Variants in KDM3B observed in about 807,000 individuals in gnomAD.
KDM3B encodes lysine-specific demethylase 3B.
In KDM3B, 10 loss-of-function variants were observed where a neutral mutation model predicts 170.0. That is an observed-to-expected ratio of 0.06 (90% CI 0.04 to 0.10). The LOEUF is 0.10. KDM3B is among the 10% of genes least tolerant of loss of function. The pLI is 1.00. For missense variants in KDM3B, 1,394 were observed against 2,195.2 expected, an observed-to-expected ratio of 0.64 and a Z score of 7.29; for synonymous variants, 831 against 834.8, an observed-to-expected ratio of 1.00 and a Z score of 0.08.
intron 17 of KDM3B, among the ~76,000 whole-genome samples, chr5:138,426,461 G>C (rs186971402): frequency 3.2e-4 from 49 of 151,378 alleles, no homozygotes; most frequent in African/African-American, 1.2e-3. Context: ...TATAGTCCCA[G>C]CTACTCGGCA....
At position 138,417,622 on chromosome 5, in the gene KDM3B, T is replaced by A; in HGVS notation, c.3435+12T>A. The A allele has an allele frequency of 6.2e-7, 1 of 1,612,732 alleles. No individual in the cohort carries two copies. Among genetic ancestry groups the A allele is most frequent in the Non-Finnish European group, 8.5e-7 (1 of 1,178,970 alleles). On this transcript the variant is annotated intron_variant, in intron 13 of 23. Coordinates refer to ENST00000314358, the MANE Select transcript of KDM3B (RefSeq NM_016604.4). The stretch of plus-strand genomic sequence containing the variant: ...ATGGGATGTCACAGGTAAACTGGTG[T>A]GTGTGGGTATAACTAAGTGAAGCCT...
At chr5:138,427,087 C>A in intron 18 of KDM3B, 22 bp downstream of exon 18, 1 of 1,611,736 alleles carries the variant, frequency 6.2e-7, no homozygotes, top group South Asian at 1.1e-5. Flanking sequence ...GCAGTGGTGT[C>A]ATCTTCAGAA....
intron 1 of KDM3B, among the ~76,000 whole-genome samples, chr5:138,368,733 T>C (rs1020149599): frequency 1.3e-5 from 2 of 152,240 alleles, no homozygotes; most frequent in Non-Finnish European, 2.9e-5. Flanking sequence ...ATTGGAGCTG[T>C]CATTTGATCC....
At chr5:138,382,947 C>T (rs1053550592) in intron 6 of KDM3B, among the ~76,000 whole-genome samples, 4 of 151,978 alleles carry the variant, frequency 2.6e-5, no homozygotes, top group Admixed American at 6.6e-5. Context: ...ATATTGTATG[C>T]CAGGTACTGT....
chr5:138,385,246 C>A (rs1434069011), intron 6 of KDM3B, among the ~76,000 whole-genome samples: 1 of 152,120 alleles, frequency 6.6e-6, no homozygotes, highest in East Asian at 1.9e-4. Flanking sequence ...GTCTCAAACT[C>A]CTGACCTCAG....
intron 12 of KDM3B, among the ~76,000 whole-genome samples, chr5:138,417,135 T>A (rs1266690064): frequency 6.6e-6 from 1 of 152,204 alleles, no homozygotes; most frequent in Non-Finnish European, 1.5e-5. Context: ...TTTATACTCT[T>A]GAACACTAGA....
intron 1 of KDM3B, among the ~76,000 whole-genome samples, chr5:138,353,308 T>G (rs1044845449): frequency 1.3e-5 from 2 of 152,198 alleles, no homozygotes; most frequent in African/African-American, 4.8e-5. Context: ...TCTCGAATCT[T>G]GAGCTCCCGG....
Position 138,420,864 on chromosome 5 carries a change from A to T in KDM3B, c.3874A>T (p.Ser1292Cys). ...TASNNKTEGSSLRDLLHSGPG... is the reference protein window; with the variant it reads ...TASNNKTEGSCLRDLLHSGPG... Reference sequence around the variant, plus strand: ...CTCCAACAACAAAACCGAAGGGTCTAGCCTTCGAGACCTCCTTCACTCCGG... The same window carrying T: ...CTCCAACAACAAAACCGAAGGGTCTTGCCTTCGAGACCTCCTTCACTCCGG... The change falls in exon 15 of 24, where the codon AGC becomes TGC. Residue 1292 changes from serine to cysteine, a missense_variant. Ser to Cys is a moderately radical substitution (Grantham distance 112). Around this residue, in one of 19 missense-constraint regions of KDM3B, gnomAD observed 137 missense variants for 166.9 expected, o/e 0.82. Coordinates refer to ENST00000314358, the MANE Select transcript of KDM3B (RefSeq NM_016604.4). 1 of 1,614,164 alleles carries T rather than the reference A, an allele frequency of 6.2e-7. No homozygotes were observed. The highest frequency in any genetic ancestry group is 8.5e-7 in the Non-Finnish European group (1 of 1,180,036).
Position 138,393,151 on chromosome 5 carries a change from T to G in KDM3B, c.2630-20T>G. 1 of 1,612,540 alleles carries G rather than the reference T, an allele frequency of 6.2e-7. No homozygotes were observed. The highest frequency in any genetic ancestry group is 8.5e-7 in the Non-Finnish European group (1 of 1,179,392). On this transcript the variant is annotated intron_variant, in intron 8 of 23. Coordinates refer to ENST00000314358, the MANE Select transcript of KDM3B (RefSeq NM_016604.4). ...GTTTACACCTCATGACAAACTTTTC[T>G]TCTCTCCCCCTTGCCACAGTTGGCC... is the stretch of plus-strand genomic sequence containing the variant.
At chr5:138,403,883 T>C (rs901945959) in intron 11 of KDM3B, among the ~76,000 whole-genome samples, 3 of 147,880 alleles carry the variant, frequency 2.0e-5, no homozygotes, top group Admixed American at 2.0e-4. Flanking sequence ...ATAAATATGA[T>C]TAAGGATTTA....
intron 19 of KDM3B, among the ~76,000 whole-genome samples, 166 bp from the exon 20 acceptor site, chr5:138,427,801 A>C (rs1763434165): frequency 6.6e-6 from 1 of 152,208 alleles, no homozygotes; most frequent in African/African-American, 2.4e-5. Flanking sequence ...ATCAGTCTTA[A>C]AACAGTATAA....
chr5:138,360,946 G>A lies in KDM3B; in HGVS notation c.192+7959G>A, dbSNP rs146331413. ...GCTTCACTAACTCCCCACCTGCCAAGGGTTCATTCCCTTTTTTTTAAATAC... is the reference window on the plus strand; with the variant it reads ...GCTTCACTAACTCCCCACCTGCCAAAGGTTCATTCCCTTTTTTTTAAATAC... On this transcript the variant is annotated intron_variant, in intron 1 of 23. Transcript: ENST00000314358. Among the ~76,000 whole-genome samples, 4 of 152,198 alleles carry A rather than the reference G, an allele frequency of 2.6e-5. No individual in the cohort carries two copies. In the East Asian group the frequency reaches 5.8e-4, roughly 22 times the overall value.
At chr5:138,403,902 C>A (rs1446918908) in intron 11 of KDM3B, among the ~76,000 whole-genome samples, 1 of 147,034 alleles carries the variant, frequency 6.8e-6, no homozygotes, top group African/African-American at 2.5e-5. Context: ...TAAAGAAATA[C>A]ATGATGTGAT....
At position 138,424,291 on chromosome 5, in the gene KDM3B, A is replaced by C. The variant is rs1210424163; in HGVS notation, c.4189A>C (p.Ser1397Arg). 1 of 1,614,146 alleles carries C rather than the reference A, an allele frequency of 6.2e-7. No homozygotes were observed. Reference sequence around the variant, plus strand: ...GAGGCTTCTGTGTCTCCATGACCCCAGCAACAAAAACAATTGGAAGATCTT... The same window carrying C: ...GAGGCTTCTGTGTCTCCATGACCCCCGCAACAAAAACAATTGGAAGATCTT... ...DGRLLCLHDP[S>R]NKNNWKIFRE... The change falls in exon 16 of 24, where the codon AGC becomes CGC. Residue 1397 changes from serine (S) to arginine (R), a missense_variant. Physicochemically the swap from Ser to Arg is moderately radical, Grantham distance 110. Coordinates refer to ENST00000314358, the MANE Select transcript of KDM3B (RefSeq NM_016604.4).
intron 1 of KDM3B, among the ~76,000 whole-genome samples, chr5:138,361,012 T>G (rs1761594650): frequency 1.3e-5 from 2 of 152,196 alleles, no homozygotes; most frequent in Non-Finnish European, 2.9e-5. Context: ...AGTTTATTTA[T>G]TTAGTTCCCC....
intron 5 of KDM3B, among the ~76,000 whole-genome samples, chr5:138,380,412 A>G (rs905221657): frequency 1.3e-5 from 2 of 150,472 alleles, no homozygotes; most frequent in Admixed American, 6.6e-5. Flanking sequence ...AAATAAGATC[A>G]TATAGTACAT....
intron 1 of KDM3B, among the ~76,000 whole-genome samples, chr5:138,354,386 A>G (rs767220273): frequency 1.1e-4 from 16 of 152,202 alleles, no homozygotes; most frequent in Non-Finnish European, 1.6e-4. Flanking sequence ...GATGGCTGGG[A>G]TGGGAAAAGA....
intron 9 of KDM3B, chr5:138,397,937 A>T: frequency 2.5e-6 from 1 of 397,380 alleles, no homozygotes; most frequent in South Asian, 4.4e-5. Context: ...CAGGTGTAGA[A>T]CAGGTGAATG....
chr5:138,416,994 T>C (rs777826232), intron 12 of KDM3B, among the ~76,000 whole-genome samples: 1 of 152,166 alleles, frequency 6.6e-6, no homozygotes, highest in Non-Finnish European at 1.5e-5. Context: ...CTAATTTTTG[T>C]ATTTTTAGTA....
Sources: allele counts gnomAD v4.1 joint callset (sites outside exome capture counted in the v4.1 genomes callset), GRCh38; gene constraint gnomAD v4.1.1; regional missense constraint gnomAD v4.1.1; transcripts MANE v1.5; gene names NCBI Gene and HGNC (gene_info 2026-07-23, HGNC 2026-07-21).